The following SSH2 variants were observed in gnomAD, a reference collection of about 807,000 sequenced individuals.
SSH2 encodes slingshot protein phosphatase 2, also known as protein phosphatase Slingshot homolog 2.
Under a neutral mutation model 135.2 loss-of-function variants are expected in SSH2, and 37 were observed. That is an observed-to-expected ratio of 0.27 (90% confidence interval 0.21 to 0.36). The LOEUF (loss-of-function observed/expected upper bound fraction) is 0.36. Among genes scored for constraint, SSH2 ranks in the 10% least tolerant of loss-of-function variants. The probability of loss-of-function intolerance (pLI) is 1.00; values close to 1 mark genes in which losing one functional copy is unlikely to be tolerated. For synonymous variants in SSH2, 628 were observed against 646.2 expected (o/e 0.97, Z 0.43); for missense variants, 1,408 against 1,765.3 (o/e 0.80, Z 3.63).
At position 29,671,917 on chromosome 17, in the gene SSH2, C is replaced by A. The variant is rs1456815737; in HGVS notation, c.809+18G>T. On this transcript the variant is annotated intron_variant, in intron 9 of 15. Transcript: ENST00000540801. ...CATAATGGAGAGAACTTCCATAATC[C>A]TTAGCAAACTGACTTACATGTCGGT... 1.9e-6 allele frequency: 3 copies of A among 1,604,612 alleles called. No homozygotes were observed. The highest frequency in any genetic ancestry group is 2.6e-6 in the Non-Finnish European group (3 of 1,173,786).
At chr17:29,831,196 A>G in intron 2 of SSH2, among the ~76,000 whole-genome samples, 1 of 152,162 alleles carries the variant, frequency 6.6e-6, no homozygotes, top group East Asian at 1.9e-4. Context: ...TTGAGAAGGA[A>G]AAAAGCAGTT....
At chr17:29,720,939 C>T (rs954047605) in intron 3 of SSH2, among the ~76,000 whole-genome samples, 3 of 152,196 alleles carry the variant, frequency 2.0e-5, no homozygotes, top group Non-Finnish European at 2.9e-5. Context: ...AGAATCACTA[C>T]AGAATTGTAA....
At chr17:29,697,166 A>G (rs1406238483) in intron 4 of SSH2, among the ~76,000 whole-genome samples, 1 of 152,158 alleles carries the variant, frequency 6.6e-6, no homozygotes, top group Non-Finnish European at 1.5e-5. Flanking sequence ...AGGAAATCTG[A>G]GGCTTTAGAT....
At chr17:29,796,379 T>G (rs1210099886) in intron 2 of SSH2, among the ~76,000 whole-genome samples, 2 of 152,090 alleles carry the variant, frequency 1.3e-5, no homozygotes, top group African/African-American at 4.8e-5. Flanking sequence ...CTCGCTCTGT[T>G]GCCCAGGCTG....
intron 3 of SSH2, among the ~76,000 whole-genome samples, chr17:29,730,417 C>G (rs1334158823): frequency 1.3e-5 from 2 of 148,360 alleles, no homozygotes; most frequent in Non-Finnish European, 3.0e-5. Context: ...CTCCATTTAC[C>G]CTGATGTGAT....
rs1462974551 is a variant in SSH2 at position 29,914,393 on chromosome 17, C to G, written c.63+15545G>C. Among the ~76,000 whole-genome samples the G allele has an allele frequency of 2.0e-5, 3 of 151,550 alleles. No homozygotes were observed. The East Asian group carries it at 5.8e-4, about 29-fold the overall frequency. ...TGGGCAACACAGCGAGACCATGTCT[C>G]TAAAAAAATAATAATAAAAAAAGTA... is the stretch of plus-strand genomic sequence containing the variant. On this transcript the variant is annotated intron_variant, in intron 1 of 15. Transcript: ENST00000540801.
chr17:29,825,610 C>T (rs757047990), intron 2 of SSH2, among the ~76,000 whole-genome samples: 3 of 152,182 alleles, frequency 2.0e-5, no homozygotes, highest in Non-Finnish European at 2.9e-5. Context: ...GGTTATCTGA[C>T]AAGGGCTGTT....
chr17:29,726,812 A>G (rs944214249), intron 3 of SSH2, among the ~76,000 whole-genome samples: 8 of 152,212 alleles, frequency 5.3e-5, no homozygotes, highest in Non-Finnish European at 1.0e-4. Context: ...AAAAAGGTCT[A>G]TTTACATGGC....
intron 2 of SSH2, among the ~76,000 whole-genome samples, chr17:29,823,008 TAA>T (rs949733582): frequency 6.6e-6 from 1 of 152,108 alleles, no homozygotes; most frequent in Admixed American, 6.5e-5. Flanking sequence ...ATTTGAAACC[TAA>T]AAAGAGTACC....
chr17:29,736,056 C>T (rs1181340196), intron 3 of SSH2, among the ~76,000 whole-genome samples: 4 of 152,098 alleles, frequency 2.6e-5, no homozygotes, highest in Admixed American at 1.3e-4. Flanking sequence ...GAGATTGCGC[C>T]ACTGCAGTCC....
At chr17:29,892,960 T>C (rs2066377197) in intron 1 of SSH2, among the ~76,000 whole-genome samples, 2 of 152,090 alleles carry the variant, frequency 1.3e-5, no homozygotes, top group Admixed American at 6.6e-5. Context: ...CTAGCTACTC[T>C]TCCTTTCCTT....
chr17:29,773,124 C>G (rs1367844221), intron 3 of SSH2, among the ~76,000 whole-genome samples: 1 of 151,994 alleles, frequency 6.6e-6, no homozygotes, highest in Non-Finnish European at 1.5e-5. Flanking sequence ...CCTATTCTGT[C>G]TCTCTGGAAA....
chr17:29,732,925 T>C (rs985254163), intron 3 of SSH2, among the ~76,000 whole-genome samples: 21 of 152,292 alleles, frequency 1.4e-4, no homozygotes, highest in African/African-American at 5.1e-4. Flanking sequence ...ATCTTTCAGG[T>C]AACTCACTTT....
intron 1 of SSH2, among the ~76,000 whole-genome samples, chr17:29,892,405 A>T (rs2066367148): frequency 6.6e-6 from 1 of 152,024 alleles, no homozygotes; most frequent in African/African-American, 2.4e-5. Context: ...ATTCCTGAAA[A>T]GTCTGGTTTT....
At chr17:29,646,813 TAAGA>T (rs1207882852) in intron 14 of SSH2, among the ~76,000 whole-genome samples, 1 of 151,974 alleles carries the variant, frequency 6.6e-6, no homozygotes, top group Admixed American at 6.6e-5. Flanking sequence ...ATTTTTTAAA[TAAGA>T]AAGAATTGTT....
At chr17:29,695,612 G>C (rs562274089) in intron 4 of SSH2, 89 bp from the exon 5 acceptor site, 3 of 1,153,314 alleles carry the variant, frequency 2.6e-6, no homozygotes, top group Non-Finnish European at 2.5e-6. Flanking sequence ...TTTTGTAAAA[G>C]AAAGTTCTGA....
intron 3 of SSH2, among the ~76,000 whole-genome samples, chr17:29,793,023 C>G (rs1465400791): frequency 6.6e-6 from 1 of 152,090 alleles, no homozygotes; most frequent in Non-Finnish European, 1.5e-5. Context: ...TCACAATGAG[C>G]ATGCTTATTG....
At chr17:29,755,408 T>C (rs2041082230) in intron 3 of SSH2, among the ~76,000 whole-genome samples, 1 of 152,184 alleles carries the variant, frequency 6.6e-6, no homozygotes, top group Admixed American at 6.5e-5. Context: ...AATACCATAT[T>C]TGGTGAGTTT....
At chr17:29,731,719 G>A (rs901090161) in intron 3 of SSH2, among the ~76,000 whole-genome samples, 3 of 152,230 alleles carry the variant, frequency 2.0e-5, no homozygotes, top group Non-Finnish European at 4.4e-5. Context: ...GCCTCCCAAA[G>A]TGCTGAGATT....
Sources: gnomAD v4.1 joint callset for allele counts (sites outside exome capture counted in the v4.1 genomes callset) on GRCh38, gnomAD v4.1.1 for gene constraint, MANE v1.5 for transcripts, NCBI Gene and HGNC (gene_info 2026-07-23, HGNC 2026-07-21) for gene names.